The following SLC25A36 variants were observed in gnomAD, a reference collection of about 807,000 sequenced individuals.
The protein encoded by SLC25A36 is solute carrier family 25 member 36.
In SLC25A36, 24 loss-of-function variants were observed where a neutral mutation model predicts 35.3. The observed-to-expected ratio is 0.68, with a 90% CI of 0.49 to 0.96. The LOEUF (loss-of-function observed/expected upper bound fraction) is 0.96. Among genes scored for constraint, SLC25A36 ranks in the 40% least tolerant of loss-of-function variants. The pLI, the probability that SLC25A36 is intolerant of heterozygous loss-of-function variation, is 0.00. For missense variants in SLC25A36, 294 were observed against 381.1 expected, an observed-to-expected ratio of 0.77 and a Z score of 1.90; for synonymous variants, 141 against 132.2, an observed-to-expected ratio of 1.07 and a Z score of -0.46.
intron 1 of SLC25A36, among the ~76,000 whole-genome samples, chr3:140,955,792 C>G (rs1186043528): frequency 6.6e-6 from 1 of 152,094 alleles, no homozygotes; most frequent in East Asian, 1.9e-4. Context: ...CCTATGCTCA[C>G]ACAGTTTTCC....
At chr3:140,964,613 C>T (rs1291860900) in intron 4 of SLC25A36, 1 of 151,838 alleles carries the variant, frequency 6.6e-6, no homozygotes, top group African/African-American at 2.4e-5. Context: ...TGGCCAGTGA[C>T]AAACCTTATA....
chr3:140,956,844 C>T, intron 2 of SLC25A36, 153 bp downstream of exon 2: 5 of 1,229,476 alleles, frequency 4.1e-6, no homozygotes, highest in Non-Finnish European at 5.2e-6. Flanking sequence ...AATGATAATC[C>T]CTAATGGAGA....
chr3:140,959,627 T>C, intron 3 of SLC25A36, 87 bp downstream of exon 3: 1 of 554,372 alleles, frequency 1.8e-6, no homozygotes, highest in Non-Finnish European at 3.0e-6. Context: ...ATAGATACAG[T>C]TAAATTTATA....
intron 2 of SLC25A36, chr3:140,957,038 T>C (rs1934497956): frequency 6.1e-6 from 1 of 164,114 alleles, no homozygotes; most frequent in Admixed American, 6.4e-5. Flanking sequence ...ATATTTTTAA[T>C]GTTCCAAGTA....
In SLC25A36 at chr3:140,973,820, G is replaced by T. The variant is rs1934968102; in HGVS notation, c.557G>T (p.Gly186Val). 6.2e-7 allele frequency: 1 copy of T among 1,613,256 alleles called. No homozygotes were observed. Among genetic ancestry groups the T allele is most frequent in the Non-Finnish European group, 8.5e-7 (1 of 1,179,666 alleles). The change falls in exon 6 of 7, where the codon GGT (glycine) becomes GTT (valine). Residue 186 changes from glycine to valine, a missense_variant. Gly to Val is a moderately radical substitution (Grantham distance 109). Transcript: ENST00000324194. ...AGGGGCATGTCTGCTTCATATGCTG[G>T]TATATCAGAGACTGTTATCCATTTT... ...FYRGMSASYA[G>V]ISETVIHFVI... is the part of the protein sequence containing the mutation.
intron 4 of SLC25A36, among the ~76,000 whole-genome samples, chr3:140,969,216 G>A (rs1934840170): frequency 6.6e-6 from 1 of 151,800 alleles, no homozygotes. Flanking sequence ...TTTATTCTCA[G>A]TTAAGCTAGA....
At chr3:140,948,986 C>T (rs1487759450) in intron 1 of SLC25A36, among the ~76,000 whole-genome samples, 1 of 152,172 alleles carries the variant, frequency 6.6e-6, no homozygotes, top group Non-Finnish European at 1.5e-5. Flanking sequence ...TTTTGATTCC[C>T]GTGCTTCAAT....
chr3:140,953,018 C>T (rs1344880611), intron 1 of SLC25A36, among the ~76,000 whole-genome samples: 1 of 152,074 alleles, frequency 6.6e-6, no homozygotes, highest in Non-Finnish European at 1.5e-5. Flanking sequence ...CAGGCAAAGA[C>T]AAATTGAATT....
Position 140,973,712 on chromosome 3 carries a change from TCAGGA to T in SLC25A36, c.453-3_454del. The T allele has an allele frequency of 2.1e-6, 3 of 1,449,656 alleles. No homozygotes were observed. Among genetic ancestry groups the T allele is most frequent in the Admixed American group, 2.3e-5 (1 of 43,958 alleles). 89.8% of individuals were successfully genotyped at this position (1,449,656 alleles called of 1,614,324 possible). A position where few individuals can be genotyped will look rare whatever the true frequency, so the allele number is the denominator to read the frequency against. ...TCAGTAAGATGTTTCTTTTTGCTTTTCAGGAACCGCGGGGAAAGGCGAATGGGTGC... is the reference window on the plus strand; with the variant it reads ...TCAGTAAGATGTTTCTTTTTGCTTTTACCGCGGGGAAAGGCGAATGGGTGC... On this transcript the variant is annotated splice_acceptor_variant and splice_polypyrimidine_tract_variant and coding_sequence_variant and intron_variant, in exon 6 of 7. Coordinates refer to ENST00000324194, the MANE Select transcript of SLC25A36 (RefSeq NM_001104647.3). LOFTEE classifies it high-confidence loss of function.
At chr3:140,945,739 TAAA>T (rs59896675) in intron 1 of SLC25A36, among the ~76,000 whole-genome samples, 5 of 127,702 alleles carry the variant, frequency 3.9e-5, no homozygotes, top group South Asian at 2.5e-4. Context: ...TACTTGCAAT[TAAA>T]AAAAAAAAAA....
At chr3:140,946,052 C>A (rs746782471) in intron 1 of SLC25A36, among the ~76,000 whole-genome samples, 8 of 152,098 alleles carry the variant, frequency 5.3e-5, no homozygotes, top group South Asian at 2.1e-4. Context: ...TTTCAGCTAA[C>A]CTTTAAGAAC....
At chr3:140,972,959 A>G (rs1934943986) in intron 5 of SLC25A36, 1 of 152,064 alleles carries the variant, frequency 6.6e-6, no homozygotes. Flanking sequence ...CTGTTGGGGG[A>G]ATCAGTGTAA....
chr3:140,976,351 G>T lies in SLC25A36; in HGVS notation c.834G>T (p.Gly278=), dbSNP rs754753051. ...LSLLVQEEGY[G]SLYRGLTTHL... ...TGCTTGTTCAAGAAGAAGGTTATGG[G>T]TCTCTTTATCGTGGTCTGACAACTC... Residue 278 remains glycine (G), a synonymous_variant, in exon 7 of 7, where the codon GGG becomes GGT. Transcript: ENST00000324194. 4.3e-6 allele frequency: 7 copies of T among 1,613,794 alleles called. No homozygotes were observed. The highest frequency in any genetic ancestry group is 3.3e-5 in the Admixed American group (2 of 59,946).
chr3:140,951,620 A>T (rs1307481399), intron 1 of SLC25A36, among the ~76,000 whole-genome samples: 2 of 151,904 alleles, frequency 1.3e-5, no homozygotes, highest in African/African-American at 4.8e-5. Flanking sequence ...AGTAGCTAAG[A>T]TTACAGGCGT....
At chr3:140,964,540 A>G (rs943726335) in intron 4 of SLC25A36, 1 of 151,882 alleles carries the variant, frequency 6.6e-6, no homozygotes, top group Admixed American at 6.6e-5. Flanking sequence ...TAATTTTTAC[A>G]GATGTTGAAT....
intron 4 of SLC25A36, chr3:140,968,773 T>TA (rs368666433): frequency 0.12 from 80,360 of 679,396 alleles, no homozygotes; most frequent in Non-Finnish European, 0.13. Flanking sequence ...AACTTTTATT[T>TA]AAAAAAAAAA....
intron 4 of SLC25A36, chr3:140,966,844 A>T (rs1041812073): frequency 2.3e-5 from 10 of 427,840 alleles, no homozygotes; most frequent in Non-Finnish European, 4.4e-5. Context: ...ATATTTCTCA[A>T]ATCCTTCCAA....
chr3:140,950,081 C>G (rs761134165), intron 1 of SLC25A36, among the ~76,000 whole-genome samples: 23 of 151,922 alleles, frequency 1.5e-4, no homozygotes, highest in Non-Finnish European at 2.2e-4. Context: ...CTCTTGTTTC[C>G]TTTTTCTTTA....
At position 140,956,763 on chromosome 3, in the gene SLC25A36, T is replaced by C. The variant is rs1435840181; in HGVS notation, c.206+72T>C. 2.7e-6 allele frequency: 4 copies of C among 1,461,884 alleles called. No homozygotes were observed. The African/African-American group carries it at 4.3e-5, about 16-fold the overall frequency. 90.6% of individuals were successfully genotyped at this position (1,461,884 alleles called of 1,614,324 possible). On this transcript the variant is annotated intron_variant, in intron 2 of 6. Coordinates refer to ENST00000324194, the MANE Select transcript of SLC25A36 (RefSeq NM_001104647.3). ...TGAGTTCCAGATGTTTGTTTACTTA[T>C]ATTCTGCCACATTGAAAATGATTTT... is the stretch of plus-strand genomic sequence containing the variant.
Sources: allele counts gnomAD v4.1 joint callset (sites outside exome capture counted in the v4.1 genomes callset), GRCh38; gene constraint gnomAD v4.1.1; transcripts MANE v1.5; gene names NCBI Gene and HGNC (gene_info 2026-07-23, HGNC 2026-07-21).